KIAA1217: variants seen among roughly 807,000 people sequenced by gnomAD.
The protein encoded by KIAA1217 is sickle tail protein homolog.
Under a neutral mutation model 163.9 loss-of-function variants are expected in KIAA1217, and 88 were observed. The ratio of observed to expected loss-of-function variants is 0.54; its 90% CI spans 0.45 to 0.64. The LOEUF (loss-of-function observed/expected upper bound fraction) is 0.64. KIAA1217 is among the 30% of genes least tolerant of loss of function. KIAA1217 has a pLI of 0.00. For synonymous variants in KIAA1217, 903 were observed against 923.1 expected, an observed-to-expected ratio of 0.98 and a Z score of 0.39; for missense variants, 2,372 against 2,475.0, an observed-to-expected ratio of 0.96 and a Z score of 0.88.
intron 1 of KIAA1217, among the ~76,000 whole-genome samples, chr10:23,777,167 GAGGTC>G (rs1229071482): frequency 6.6e-6 from 1 of 152,204 alleles, no homozygotes; most frequent in Non-Finnish European, 1.5e-5. Flanking sequence ...CCAGAGAAAT[GAGGTC>G]AGTGCTCTGA....
chr10:24,191,012 G>A (rs1334475905), intron 2 of KIAA1217, among the ~76,000 whole-genome samples: 1 of 151,934 alleles, frequency 6.6e-6, no homozygotes, highest in African/African-American at 2.4e-5. Flanking sequence ...TGGCCAACAT[G>A]GTGCAACCCC....
chr10:24,069,326 T>C (rs997874645), intron 2 of KIAA1217, among the ~76,000 whole-genome samples: 1 of 152,144 alleles, frequency 6.6e-6, no homozygotes, highest in Non-Finnish European at 1.5e-5. Context: ...TCGTTTTTGT[T>C]TTATCTGCTT....
At chr10:24,459,391 G>A (rs1423075067) in intron 5 of KIAA1217, among the ~76,000 whole-genome samples, 2 of 152,180 alleles carry the variant, frequency 1.3e-5, no homozygotes, top group Non-Finnish European at 2.9e-5. Flanking sequence ...TTGACACTTA[G>A]CAAAGTTATT....
chr10:24,532,487 G>A (rs2073270046), intron 15 of KIAA1217, among the ~76,000 whole-genome samples: 1 of 152,202 alleles, frequency 6.6e-6, no homozygotes, highest in Non-Finnish European at 1.5e-5. Context: ...TTCTCAGGGT[G>A]CTGATAGAGA....
intron 2 of KIAA1217, among the ~76,000 whole-genome samples, chr10:24,229,204 A>G (rs1475571283): frequency 6.6e-6 from 1 of 152,236 alleles, no homozygotes; most frequent in African/African-American, 2.4e-5. Flanking sequence ...TGAAATTAAG[A>G]CACATGTATA....
At chr10:23,786,319 T>C (rs1353561962) in intron 1 of KIAA1217, among the ~76,000 whole-genome samples, 1 of 151,824 alleles carries the variant, frequency 6.6e-6, no homozygotes, top group African/African-American at 2.4e-5. Flanking sequence ...GAGGAGAACA[T>C]TCCAGGCAGC....
Position 24,546,362 on chromosome 10 carries a change from T to A in KIAA1217, c.*38T>A. 1 of 1,527,726 alleles carries A rather than the reference T, an allele frequency of 6.5e-7. No homozygotes were observed. Among genetic ancestry groups the A allele is most frequent in the Non-Finnish European group, 8.8e-7 (1 of 1,138,546 alleles). The allele number at this position is 1,527,726 out of a possible 1,614,324, so 94.6% of individuals were successfully genotyped here. A position where few individuals can be genotyped will look rare whatever the true frequency, so the allele number is the denominator to read the frequency against. On this transcript the variant is annotated 3_prime_UTR_variant, in exon 21 of 21. Coordinates refer to ENST00000376454, the MANE Select transcript of KIAA1217 (RefSeq NM_019590.5). ...ATTAGGCACAAGTCGGAGTTACATT[T>A]AAAAAAAATTAACAGTCTACAACAA...
chr10:24,080,611 A>G (rs180752705), intron 2 of KIAA1217, among the ~76,000 whole-genome samples: 1 of 152,322 alleles, frequency 6.6e-6, no homozygotes, highest in East Asian at 1.9e-4. Flanking sequence ...TAAGATTCAA[A>G]AAGAAGCAAC....
chr10:24,248,488 T>C (rs1284298826), intron 2 of KIAA1217, among the ~76,000 whole-genome samples: 3 of 151,748 alleles, frequency 2.0e-5, no homozygotes, highest in Non-Finnish European at 4.4e-5. Flanking sequence ...CTGGCCAACA[T>C]GGTGAAATCC....
At chr10:24,175,443 A>ATATG (rs1554893764) in intron 2 of KIAA1217, among the ~76,000 whole-genome samples, 1 of 149,894 alleles carries the variant, frequency 6.7e-6, no homozygotes, top group Non-Finnish European at 1.5e-5. Flanking sequence ...GTGTATATAT[A>ATATG]TGTGTGTGTG....
At chr10:23,719,309 C>T (rs766058327) in intron 1 of KIAA1217, among the ~76,000 whole-genome samples, 1 of 152,086 alleles carries the variant, frequency 6.6e-6, no homozygotes, top group Non-Finnish European at 1.5e-5. Flanking sequence ...GTCCGGGTGC[C>T]GTGGCTCATG....
chr10:23,754,450 A>T (rs1443228045), intron 1 of KIAA1217, among the ~76,000 whole-genome samples: 3 of 152,228 alleles, frequency 2.0e-5, no homozygotes, highest in African/African-American at 7.2e-5. Context: ...GGCTCTGCCC[A>T]GGAGCCTCTC....
chr10:24,423,085 T>G (rs1263019943), intron 3 of KIAA1217, among the ~76,000 whole-genome samples: 8 of 151,438 alleles, frequency 5.3e-5, no homozygotes, highest in African/African-American at 1.7e-4. Context: ...TGTTTTTGTA[T>G]TTTTAGTAGA....
intron 2 of KIAA1217, chr10:24,255,306 C>A (rs918713377): frequency 3.4e-6 from 1 of 293,874 alleles, no homozygotes. Context: ...AATGAAAAAC[C>A]GGTATTTTCT....
intron 2 of KIAA1217, among the ~76,000 whole-genome samples, chr10:24,366,585 A>G (rs1171297586): frequency 6.6e-6 from 1 of 152,232 alleles, no homozygotes; most frequent in East Asian, 1.9e-4. Context: ...TGTGCCCTGA[A>G]TTACAGTGTG....
chr10:23,908,697 C>T (rs1479711977), intron 1 of KIAA1217, among the ~76,000 whole-genome samples: 1 of 152,082 alleles, frequency 6.6e-6, no homozygotes, highest in Non-Finnish European at 1.5e-5. Context: ...ATGCACAATG[C>T]AGTACCACCT....
chr10:24,511,572 G>A (rs1009104103), intron 9 of KIAA1217, among the ~76,000 whole-genome samples: 1 of 152,010 alleles, frequency 6.6e-6, no homozygotes. Flanking sequence ...GTTTGAACCC[G>A]GGAGGCAGAG....
At chr10:24,090,140 TTTTCTTTC>T (rs941652515) in intron 2 of KIAA1217, among the ~76,000 whole-genome samples, 1 of 149,990 alleles carries the variant, frequency 6.7e-6, no homozygotes, top group Admixed American at 6.6e-5. Flanking sequence ...AAGCTTTCTT[TTTTCTTTC>T]TTTCTTTTTC....
At chr10:24,075,061 A>G (rs527313579) in intron 2 of KIAA1217, among the ~76,000 whole-genome samples, 182 of 151,504 alleles carry the variant, frequency 1.2e-3, no homozygotes, top group African/African-American at 3.9e-3. Context: ...TATGCTCTAC[A>G]TGATAAAACC....
Sources: gnomAD v4.1 joint callset for allele counts (sites outside exome capture counted in the v4.1 genomes callset) on GRCh38, gnomAD v4.1.1 for gene constraint, MANE v1.5 for transcripts, NCBI Gene and HGNC (gene_info 2026-07-23, HGNC 2026-07-21) for gene names.